Variants in TRAK1 observed in about 807,000 individuals in gnomAD.
TRAK1 encodes the protein trafficking kinesin protein 1.
A neutral mutation model predicts 92.1 loss-of-function variants in TRAK1; 33 were observed. That is an observed-to-expected ratio of 0.36 (90% CI 0.27 to 0.48). The LOEUF (loss-of-function observed/expected upper bound fraction) is 0.48. TRAK1 is among the 20% of genes least tolerant of loss of function. The pLI, the probability that TRAK1 is intolerant of heterozygous loss-of-function variation, is 0.99. For missense variants in TRAK1, 1,123 were observed against 1,257.9 expected (o/e 0.89, Z 1.62); for synonymous variants, 521 against 517.3 (o/e 1.01, Z -0.10).
chr3:42,199,106 G>A, intron 10 of TRAK1, 71 bp from the exon 11 acceptor site: 1 of 1,554,032 alleles, frequency 6.4e-7, no homozygotes, highest in South Asian at 1.1e-5. Context: ...CCACCTGGGT[G>A]CATACCTCTT....
intron 12 of TRAK1, among the ~76,000 whole-genome samples, chr3:42,201,776 A>T (rs1438222182): frequency 6.6e-6 from 1 of 151,514 alleles, no homozygotes; most frequent in Non-Finnish European, 1.5e-5. Context: ...GGTGGGGTGC[A>T]GGGGGGCCAA....
intron 3 of TRAK1, among the ~76,000 whole-genome samples, chr3:42,183,706 C>T (rs1048282134): frequency 3.9e-5 from 6 of 152,072 alleles, no homozygotes; most frequent in South Asian, 2.1e-4. Flanking sequence ...CTACCCCAAA[C>T]GACATGTTTC....
At position 42,193,080 on chromosome 3, in the gene TRAK1, G is replaced by A. The variant is rs1167618813; in HGVS notation, c.775G>A (p.Ala259Thr). ...TTGTTGCTTCTTTGTCAAAGGGGAT[G>A]CCAATGTCCAGATTGCTAGTATCTC... is the stretch of plus-strand genomic sequence containing the variant. ...VNDCVKELRD[A>T]NVQIASISEE... The change falls in exon 8 of 16, where the codon GCC (alanine) becomes ACC (threonine). Residue 259 changes from alanine to threonine, a missense_variant. Ala to Thr is a moderately conservative substitution (Grantham distance 58). This residue lies in a region of TRAK1 where 686 missense variants were observed against 747.6 expected (regional missense o/e 0.92). Transcript: ENST00000327628. 1 of 1,613,810 alleles carries A rather than the reference G, an allele frequency of 6.2e-7. No homozygotes were observed. Among genetic ancestry groups the A allele is most frequent in the Non-Finnish European group, 8.5e-7 (1 of 1,179,924 alleles).
chr3:42,117,340 C>T (rs374279675), intron 1 of TRAK1, among the ~76,000 whole-genome samples: 19 of 148,060 alleles, frequency 1.3e-4, no homozygotes, highest in African/African-American at 3.3e-4. Flanking sequence ...TGCTCCTGGC[C>T]GGCACCCAGG....
At chr3:42,176,931 G>T in intron 3 of TRAK1, 41 bp downstream of exon 3, 1 of 1,575,936 alleles carries the variant, frequency 6.3e-7, no homozygotes, top group South Asian at 1.1e-5. Context: ...GTTTATAATT[G>T]ACTGGTTTTC....
At chr3:42,148,924 C>A (rs181818269) in intron 2 of TRAK1, among the ~76,000 whole-genome samples, 1 of 151,930 alleles carries the variant, frequency 6.6e-6, no homozygotes, top group Non-Finnish European at 1.5e-5. Flanking sequence ...CTATCGTGAC[C>A]CAAAGTAGGG....
intron 15 of TRAK1, among the ~76,000 whole-genome samples, chr3:42,222,270 G>A (rs1345881449): frequency 6.6e-6 from 1 of 152,024 alleles, no homozygotes; most frequent in African/African-American, 2.4e-5. Context: ...GTCTCCCCGC[G>A]ACCCTCTAAC....
At chr3:42,221,873 G>T (rs983478049) in intron 15 of TRAK1, 1 of 152,100 alleles carries the variant, frequency 6.6e-6, no homozygotes, top group Non-Finnish European at 1.5e-5. Flanking sequence ...TAGCCAATGA[G>T]GTTTATTACT....
intron 1 of TRAK1, among the ~76,000 whole-genome samples, chr3:42,014,495 G>A (rs1475013003): frequency 3.3e-5 from 5 of 152,210 alleles, no homozygotes; most frequent in Admixed American, 1.3e-4. Context: ...AGCCTTTAGA[G>A]CCCTCCTTTG....
intron 2 of TRAK1, among the ~76,000 whole-genome samples, chr3:42,174,829 A>C (rs1702995495): frequency 6.6e-6 from 1 of 151,544 alleles, no homozygotes; most frequent in Non-Finnish European, 1.5e-5. Flanking sequence ...GGCCTCGCAA[A>C]GTGCTGGGAT....
chr3:42,067,803 GTT>G (rs1703743166), intron 1 of TRAK1, among the ~76,000 whole-genome samples: 1 of 23,364 alleles, frequency 4.3e-5, no homozygotes, highest in Non-Finnish European at 1.4e-4. Context: ...CTATCACGTA[GTT>G]AGTTTTTTTT....
At chr3:42,121,732 T>C (rs1250917121) in intron 1 of TRAK1, among the ~76,000 whole-genome samples, 1 of 152,234 alleles carries the variant, frequency 6.6e-6, no homozygotes, top group Non-Finnish European at 1.5e-5. Flanking sequence ...TCCTATCCCA[T>C]GTCCTAATTC....
chr3:42,186,820 C>G (rs1038959029), intron 4 of TRAK1, among the ~76,000 whole-genome samples: 3 of 151,378 alleles, frequency 2.0e-5, no homozygotes, highest in Non-Finnish European at 3.0e-5. Flanking sequence ...ATTAAATTAT[C>G]AGTCTAGGTG....
At chr3:42,113,651 G>A (rs1708786902) in intron 1 of TRAK1, among the ~76,000 whole-genome samples, 1 of 152,092 alleles carries the variant, frequency 6.6e-6, no homozygotes, top group Non-Finnish European at 1.5e-5. Flanking sequence ...CTGACCTCAG[G>A]TGATCCACCG....
chr3:42,193,628 C>T (rs1306254044), intron 8 of TRAK1, among the ~76,000 whole-genome samples, 196 bp from the exon 9 acceptor site: 1 of 151,466 alleles, frequency 6.6e-6, no homozygotes, highest in Admixed American at 6.6e-5. Flanking sequence ...GGGGGTGGGG[C>T]GGTGGGCTAT....
At chr3:42,097,008 A>G (rs1341527938) in intron 1 of TRAK1, among the ~76,000 whole-genome samples, 1 of 152,166 alleles carries the variant, frequency 6.6e-6, no homozygotes, top group African/African-American at 2.4e-5. Context: ...TCTTTCCAAA[A>G]ATGTTCTGTG....
intron 1 of TRAK1, among the ~76,000 whole-genome samples, chr3:42,112,390 T>C (rs7651263): frequency 6.7e-6 from 1 of 148,508 alleles, no homozygotes; most frequent in Non-Finnish European, 1.5e-5. Context: ...ATTGCACCAC[T>C]GCACTCCAGC....
At chr3:42,015,984 C>T (rs943759581) in intron 1 of TRAK1, among the ~76,000 whole-genome samples, 4 of 152,216 alleles carry the variant, frequency 2.6e-5, no homozygotes, top group Non-Finnish European at 5.9e-5. Context: ...TTTCATTGAG[C>T]CAAGATCCCG....
chr3:42,023,097 G>A (rs1701781453), intron 1 of TRAK1, among the ~76,000 whole-genome samples: 1 of 140,738 alleles, frequency 7.1e-6, no homozygotes, highest in African/African-American at 2.6e-5. Context: ...GGCAGAGGTT[G>A]CAGTGAGCCG....
Sources: allele counts gnomAD v4.1 joint callset (sites outside exome capture counted in the v4.1 genomes callset), GRCh38; gene constraint gnomAD v4.1.1; regional missense constraint gnomAD v4.1.1; transcripts MANE v1.5; gene names NCBI Gene and HGNC (gene_info 2026-07-23, HGNC 2026-07-21).